MYO5A: variants seen among roughly 807,000 people sequenced by gnomAD.
MYO5A encodes myosin VA.
Under a neutral mutation model 249.7 loss-of-function variants are expected in MYO5A, and 98 were observed. That is an observed-to-expected ratio of 0.39 (90% CI 0.33 to 0.46). MYO5A has a LOEUF of 0.46. Among genes scored for constraint, MYO5A ranks in the 20% least tolerant of loss-of-function variants. The pLI, the probability that MYO5A is intolerant of heterozygous loss-of-function variation, is 0.98. For missense variants in MYO5A, 1,696 were observed against 2,308.8 expected, an observed-to-expected ratio of 0.73 and a Z score of 5.44; for synonymous variants, 778 against 810.6, an observed-to-expected ratio of 0.96 and a Z score of 0.68.
intron 8 of MYO5A, 129 bp from the exon 9 acceptor site, chr15:52,405,522 T>G: frequency 1.4e-6 from 1 of 736,808 alleles, no homozygotes; most frequent in Admixed American, 2.0e-5. Context: ...TAATGTGTCA[T>G]AGCTAACAAC....
At chr15:52,333,492 T>A (rs1361999085) in intron 34 of MYO5A, among the ~76,000 whole-genome samples, 1 of 152,212 alleles carries the variant, frequency 6.6e-6, no homozygotes, top group Non-Finnish European at 1.5e-5. Context: ...CCATCTCACC[T>A]GCTGCAACCA....
At chr15:52,502,716 A>G (rs138912125) in intron 1 of MYO5A, among the ~76,000 whole-genome samples, 3 of 152,372 alleles carry the variant, frequency 2.0e-5, no homozygotes, top group East Asian at 1.9e-4. Context: ...AAAGTAATCA[A>G]TTCTCTCATT....
intron 22 of MYO5A, among the ~76,000 whole-genome samples, chr15:52,369,584 A>G (rs901013031): frequency 6.6e-6 from 1 of 152,092 alleles, no homozygotes; most frequent in African/African-American, 2.4e-5. Context: ...AGACATTTAG[A>G]CTTCTCCTGC....
chr15:52,329,527 T>G (rs1458317297), intron 35 of MYO5A, among the ~76,000 whole-genome samples: 2 of 152,252 alleles, frequency 1.3e-5, no homozygotes, highest in Non-Finnish European at 2.9e-5. Context: ...TGCCCTGAAA[T>G]GCTTCTTCCA....
intron 36 of MYO5A, among the ~76,000 whole-genome samples, chr15:52,325,884 G>A (rs963391899): frequency 6.6e-6 from 1 of 152,024 alleles, no homozygotes; most frequent in Non-Finnish European, 1.5e-5. Context: ...TGAGTTTGCC[G>A]AAGTAGTATT....
chr15:52,363,568 GA>G (rs2040648746), intron 24 of MYO5A, among the ~76,000 whole-genome samples: 1 of 152,168 alleles, frequency 6.6e-6, no homozygotes, highest in African/African-American at 2.4e-5. Flanking sequence ...ATATTGTAAT[GA>G]ACTTTGTCAG....
chr15:52,528,618 A>G (rs1470676917), intron 1 of MYO5A, among the ~76,000 whole-genome samples, 162 bp downstream of exon 1: 1 of 152,200 alleles, frequency 6.6e-6, no homozygotes, highest in African/African-American at 2.4e-5. Context: ...AAGGTGCCGC[A>G]GCGGGCGACC....
chr15:52,411,918 C>T (rs1417456860), intron 5 of MYO5A, among the ~76,000 whole-genome samples: 1 of 152,106 alleles, frequency 6.6e-6, no homozygotes, highest in Non-Finnish European at 1.5e-5. Context: ...ATCTTCCTGG[C>T]AAAATTACAG....
chr15:52,392,586 T>TG (rs2042290585), intron 11 of MYO5A, among the ~76,000 whole-genome samples: 1 of 152,240 alleles, frequency 6.6e-6, no homozygotes, highest in Admixed American at 6.5e-5. Flanking sequence ...TGATTATCTG[T>TG]GATAGTCATG....
chr15:52,480,019 C>T (rs542512719), intron 1 of MYO5A, among the ~76,000 whole-genome samples: 4 of 152,310 alleles, frequency 2.6e-5, no homozygotes, highest in South Asian at 2.1e-4. Context: ...GGTCTCTGAA[C>T]GTGACTGATC....
Position 52,331,933 on chromosome 15 carries a change from G to A in MYO5A, c.4409-1434C>T, listed in dbSNP as rs118188096. 7 of 875,828 alleles carry A rather than the reference G, an allele frequency of 8.0e-6. No individual in the cohort carries two copies. The East Asian group carries it at 8.4e-4, about 105-fold the overall frequency. The allele number at this position is 875,828 out of a possible 1,614,324, so 54.3% of individuals were successfully genotyped here. A position where few individuals can be genotyped will look rare whatever the true frequency, so the allele number is the denominator to read the frequency against. On this transcript the variant is annotated intron_variant, in intron 34 of 41. Coordinates refer to ENST00000399233, the MANE Select transcript of MYO5A (RefSeq NM_001382347.1). ...GCATGATCCAGTATGAAAGCCACGGGACTAACTCTAAAGTATATTCTTCCA... is the reference window on the plus strand; with the variant it reads ...GCATGATCCAGTATGAAAGCCACGGAACTAACTCTAAAGTATATTCTTCCA...
Position 52,476,069 on chromosome 15 carries a change from T to A in MYO5A, c.28-42784A>T, listed in dbSNP as rs1004809160. Among the ~76,000 whole-genome samples, 4 of 152,212 alleles carry A rather than the reference T, an allele frequency of 2.6e-5. No individual in the cohort carries two copies. In the East Asian group the frequency reaches 7.7e-4, roughly 29 times the overall value. On this transcript the variant is annotated intron_variant, in intron 1 of 41. Coordinates refer to ENST00000399233, the MANE Select transcript of MYO5A (RefSeq NM_001382347.1). Reference sequence around the variant, plus strand: ...TAAGGACTTGCTTTTTGAATCTGGGTGCTCCTGTATTGGGTGCATATATAT... The same window carrying A: ...TAAGGACTTGCTTTTTGAATCTGGGAGCTCCTGTATTGGGTGCATATATAT...
At chr15:52,519,690 AT>A (rs1427806407) in intron 1 of MYO5A, among the ~76,000 whole-genome samples, 1 of 151,926 alleles carries the variant, frequency 6.6e-6, no homozygotes, top group Non-Finnish European at 1.5e-5. Flanking sequence ...CAAAATTTCA[AT>A]TTCTAACATG....
chr15:52,382,998 A>T, intron 16 of MYO5A, 93 bp downstream of exon 16: 2 of 1,121,862 alleles, frequency 1.8e-6, no homozygotes, highest in Non-Finnish European at 1.4e-6. Flanking sequence ...TTTTTTCCTT[A>T]TAAAAATGTA....
chr15:52,424,624 AT>A (rs1174281396), intron 4 of MYO5A, among the ~76,000 whole-genome samples: 1 of 152,192 alleles, frequency 6.6e-6, no homozygotes, highest in Non-Finnish European at 1.5e-5. Flanking sequence ...TGCTGGACCA[AT>A]CATGTATACT....
intron 34 of MYO5A, chr15:52,331,676 G>C: frequency 1.0e-6 from 1 of 985,422 alleles, no homozygotes; most frequent in Non-Finnish European, 1.2e-6. Context: ...ACAGGAAGAG[G>C]TTATCACAGA....
chr15:52,379,970 C>T, intron 16 of MYO5A, 62 bp from the exon 17 acceptor site: 2 of 1,535,084 alleles, frequency 1.3e-6, no homozygotes, highest in Admixed American at 1.7e-5. Context: ...ACAAATTACT[C>T]TCCTCAGTCA....
chr15:52,415,941 C>T (rs183002384), intron 5 of MYO5A: 335 of 635,068 alleles, frequency 5.3e-4, no homozygotes, highest in Non-Finnish European at 6.0e-4. Flanking sequence ...AAACAGATTC[C>T]GCTATAGCTG....
At chr15:52,506,135 A>C (rs2077265830) in intron 1 of MYO5A, among the ~76,000 whole-genome samples, 1 of 152,118 alleles carries the variant, frequency 6.6e-6, no homozygotes. Context: ...GCAGATCACG[A>C]GGTCAGGAGA....
Sources: gnomAD v4.1 joint callset for allele counts (sites outside exome capture counted in the v4.1 genomes callset) on GRCh38, gnomAD v4.1.1 for gene constraint, MANE v1.5 for transcripts, NCBI Gene and HGNC (gene_info 2026-07-23, HGNC 2026-07-21) for gene names.